Variants in DENND6A observed in about 807,000 individuals in gnomAD.
The protein encoded by DENND6A is protein DENND6A.
A neutral mutation model predicts 95.5 loss-of-function variants in DENND6A; 43 were observed. The observed-to-expected ratio is 0.45, with a 90% CI of 0.35 to 0.58. DENND6A has a LOEUF of 0.58. DENND6A is among the 20% of genes least tolerant of loss of function. The pLI, the probability that DENND6A is intolerant of heterozygous loss-of-function variation, is 0.00. For missense variants in DENND6A, 574 were observed against 736.0 expected (o/e 0.78, Z 2.55); for synonymous variants, 257 against 260.4 (o/e 0.99, Z 0.13).
chr3:57,641,798 G>C, intron 11 of DENND6A, 51 bp from the exon 12 acceptor site: 41 of 1,407,252 alleles, frequency 2.9e-5, no homozygotes, highest in Non-Finnish European at 3.9e-5. Flanking sequence ...AAAGATGAAT[G>C]CTAAATCAGT....
At chr3:57,678,102 A>T (rs531317243) in intron 1 of DENND6A, among the ~76,000 whole-genome samples, 37 of 151,940 alleles carry the variant, frequency 2.4e-4, no homozygotes, top group East Asian at 1.4e-3. Flanking sequence ...ATTCTTTTTT[A>T]AAAAAAAGAA....
chr3:57,645,536 C>A, intron 11 of DENND6A, 125 bp downstream of exon 11: 1 of 569,304 alleles, frequency 1.8e-6, no homozygotes, highest in South Asian at 2.8e-5. Flanking sequence ...AAATTATTTC[C>A]AGCAGCTCCT....
intron 11 of DENND6A, among the ~76,000 whole-genome samples, chr3:57,642,821 C>T (rs763311156): frequency 5.9e-5 from 9 of 152,062 alleles, no homozygotes; most frequent in Non-Finnish European, 1.2e-4. Flanking sequence ...ACCTGGCCAA[C>T]ACGGTGAAAC....
chr3:57,679,144 T>G (rs563167601), intron 1 of DENND6A, among the ~76,000 whole-genome samples: 4 of 152,226 alleles, frequency 2.6e-5, no homozygotes, highest in African/African-American at 9.6e-5. Flanking sequence ...CCCAGTCTTT[T>G]GGTATTTTGT....
At chr3:57,688,969 C>CT (rs1283972692) in intron 1 of DENND6A, among the ~76,000 whole-genome samples, 5 of 151,124 alleles carry the variant, frequency 3.3e-5, no homozygotes, top group Non-Finnish European at 5.9e-5. Context: ...TATAATTTTT[C>CT]TTTTTTTTTG....
chr3:57,659,407 A>C (rs1034744311), intron 7 of DENND6A, among the ~76,000 whole-genome samples: 3 of 148,876 alleles, frequency 2.0e-5, no homozygotes, highest in Admixed American at 1.3e-4. Flanking sequence ...TAACTCCCTG[A>C]GAAGCAAGTA....
intron 10 of DENND6A, 71 bp downstream of exon 10, chr3:57,646,245 A>G (rs2071077470): frequency 6.5e-7 from 1 of 1,540,782 alleles, no homozygotes; most frequent in Non-Finnish European, 8.7e-7. Context: ...AAGTGCTGCA[A>G]ATATCACCAA....
At chr3:57,676,376 A>T (rs910914675) in intron 1 of DENND6A, among the ~76,000 whole-genome samples, 32 of 45,856 alleles carry the variant, frequency 7.0e-4, no homozygotes, top group African/African-American at 1.6e-3. Context: ...AAGATTATTT[A>T]AAAAAAAAAA....
At chr3:57,649,433 GA>G (rs1276287657) in intron 9 of DENND6A, among the ~76,000 whole-genome samples, 1 of 151,180 alleles carries the variant, frequency 6.6e-6, no homozygotes, top group Non-Finnish European at 1.5e-5. Flanking sequence ...AACCACTATG[GA>G]AAACCGTACA....
chr3:57,672,537 CT>C, intron 1 of DENND6A, 99 bp from the exon 2 acceptor site: 1 of 1,247,018 alleles, frequency 8.0e-7, no homozygotes, highest in Non-Finnish European at 1.1e-6. Flanking sequence ...AATCCCAGCA[CT>C]TTGGGAGCCC....
At chr3:57,628,407 T>A (rs2070581938) in intron 19 of DENND6A, 62 bp from the exon 20 acceptor site, 2 of 1,551,846 alleles carry the variant, frequency 1.3e-6, no homozygotes, top group Admixed American at 4.0e-5. Context: ...ATACATTACA[T>A]TCTCTAAATA....
rs374424080 is a variant in DENND6A at position 57,658,152 on chromosome 3, C to T, written c.763-417G>A. Among the ~76,000 whole-genome samples, 180 of 151,126 alleles carry T rather than the reference C, an allele frequency of 1.2e-3. 1 individual carries two copies. Among genetic ancestry groups the T allele is most frequent in the African/African-American group, 4.1e-3 (168 of 41,070 alleles). On this transcript the variant is annotated intron_variant, in intron 8 of 19. Transcript: ENST00000311128. ...TCGGGAGGCTGAGGCAGGAGAATGGCGTGAACCCGGGAGGTGAAGCTTGCA... is the reference window on the plus strand; with the variant it reads ...TCGGGAGGCTGAGGCAGGAGAATGGTGTGAACCCGGGAGGTGAAGCTTGCA...
At position 57,649,455 on chromosome 3, in the gene DENND6A, A is replaced by G. The variant is rs1380051971; in HGVS notation, c.819-3017T>C. Among the ~76,000 whole-genome samples the G allele has an allele frequency of 2.0e-5, 3 of 152,082 alleles. No homozygotes were observed. In the East Asian group the frequency reaches 5.8e-4, roughly 29 times the overall value. On this transcript the variant is annotated intron_variant, in intron 9 of 19. Transcript: ENST00000311128. ...ATGGAAAACCGTACAGAGATTCCTT[A>G]AAGAACTAAAAGTAGATCTACCATT...
intron 11 of DENND6A, 84 bp from the exon 12 acceptor site, chr3:57,641,831 T>C (rs2070947687): frequency 3.6e-6 from 4 of 1,105,954 alleles, no homozygotes. Flanking sequence ...ACTTTTTTTT[T>C]CAATGAACAA....
At chr3:57,641,112 A>G (rs900034747) in intron 12 of DENND6A, among the ~76,000 whole-genome samples, 5 of 148,922 alleles carry the variant, frequency 3.4e-5, no homozygotes, top group African/African-American at 1.2e-4. Context: ...GTTCTGTTTT[A>G]TTGGGCTTCT....
intron 1 of DENND6A, among the ~76,000 whole-genome samples, chr3:57,679,746 A>G (rs1041191861): frequency 6.6e-6 from 1 of 152,174 alleles, no homozygotes; most frequent in East Asian, 1.9e-4. Flanking sequence ...AAGGAGAGAG[A>G]AGACTATGTA....
intron 5 of DENND6A, among the ~76,000 whole-genome samples, chr3:57,663,150 T>TAA (rs2071457042): frequency 2.1e-5 from 1 of 46,534 alleles, no homozygotes; most frequent in Non-Finnish European, 3.8e-5. Flanking sequence ...AAACTCCATA[T>TAA]CAAAAAAAAA....
chr3:57,681,970 G>A (rs944919508), intron 1 of DENND6A, among the ~76,000 whole-genome samples: 1 of 152,118 alleles, frequency 6.6e-6, no homozygotes, highest in African/African-American at 2.4e-5. Context: ...CTTTAGAAGT[G>A]TGAATTTTAT....
chr3:57,646,530 T>A (rs2071084278), intron 9 of DENND6A, 92 bp from the exon 10 acceptor site: 6 of 1,446,130 alleles, frequency 4.1e-6, no homozygotes, highest in Non-Finnish European at 5.5e-6. Flanking sequence ...TCCACATTGA[T>A]ATAAATTCTT....
Sources: gnomAD v4.1 joint callset for allele counts (sites outside exome capture counted in the v4.1 genomes callset) on GRCh38, gnomAD v4.1.1 for gene constraint, MANE v1.5 for transcripts, NCBI Gene and HGNC (gene_info 2026-07-23, HGNC 2026-07-21) for gene names.